Variants in MARCHF3 observed in about 807,000 individuals in gnomAD.
MARCHF3 encodes the protein membrane associated ring-CH-type finger 3.
A neutral mutation model predicts 24.2 loss-of-function variants in MARCHF3; 13 were observed. The observed-to-expected ratio is 0.54, with a 90% CI of 0.35 to 0.85. The LOEUF (loss-of-function observed/expected upper bound fraction) is 0.85. Ranked by LOEUF, MARCHF3 falls within the 40% of genes least tolerant of loss-of-function variation. The pLI is 0.01. For synonymous variants in MARCHF3, 144 were observed against 137.3 expected (o/e 1.05, Z -0.34); for missense variants, 276 against 325.0 (o/e 0.85, Z 1.16).
intron 1 of MARCHF3, among the ~76,000 whole-genome samples, chr5:126,947,787 G>T (rs1750081362): frequency 6.6e-6 from 1 of 151,578 alleles, no homozygotes; most frequent in Non-Finnish European, 1.5e-5. Context: ...CCTCACCCTG[G>T]CCAATCTTTT....
intron 3 of MARCHF3, among the ~76,000 whole-genome samples, chr5:126,909,856 C>T (rs926310958): frequency 6.6e-6 from 1 of 152,022 alleles, no homozygotes; most frequent in African/African-American, 2.4e-5. Context: ...CCAGTGACTT[C>T]ATAAAAAAGG....
chr5:127,011,840 C>A (rs1458274712), intron 1 of MARCHF3, among the ~76,000 whole-genome samples: 1 of 152,280 alleles, frequency 6.6e-6, no homozygotes, highest in East Asian at 1.9e-4. Flanking sequence ...GTAAAAGCTG[C>A]CATTTTAATT....
At chr5:127,001,351 C>G (rs1752122825) in intron 1 of MARCHF3, among the ~76,000 whole-genome samples, 1 of 152,082 alleles carries the variant, frequency 6.6e-6, no homozygotes, top group Admixed American at 6.6e-5. Context: ...AATAATGGGT[C>G]AGAAAGGTTC....
At chr5:126,990,947 G>A (rs533768156) in intron 1 of MARCHF3, among the ~76,000 whole-genome samples, 76 of 152,336 alleles carry the variant, frequency 5.0e-4, no homozygotes, top group African/African-American at 1.7e-3. Context: ...TACACTGTTA[G>A]TGGGAGTGTA....
At chr5:126,904,853 C>T (rs1033568265) in intron 3 of MARCHF3, among the ~76,000 whole-genome samples, 1 of 148,428 alleles carries the variant, frequency 6.7e-6, no homozygotes, top group Non-Finnish European at 1.5e-5. Flanking sequence ...CTTTTGTTGC[C>T]ATTGCTTTTG....
intron 1 of MARCHF3, among the ~76,000 whole-genome samples, chr5:126,929,920 G>T (rs1749426860): frequency 6.6e-6 from 1 of 152,122 alleles, no homozygotes; most frequent in Non-Finnish European, 1.5e-5. Context: ...TGCAAGACGT[G>T]ACTGTGCTCC....
intron 1 of MARCHF3, among the ~76,000 whole-genome samples, chr5:126,947,204 G>A (rs1471996779): frequency 6.6e-6 from 1 of 152,154 alleles, no homozygotes; most frequent in Non-Finnish European, 1.5e-5. Flanking sequence ...ACTGGCACTA[G>A]ATTAGCTGCC....
intron 1 of MARCHF3, among the ~76,000 whole-genome samples, chr5:126,924,339 C>G (rs1749224216): frequency 2.0e-5 from 3 of 152,090 alleles, no homozygotes; most frequent in Middle Eastern, 3.2e-3. Flanking sequence ...AGGCTTAATA[C>G]GTGGGGAGCA....
At chr5:127,026,097 TAA>T (rs76667904) in intron 1 of MARCHF3, among the ~76,000 whole-genome samples, 29 of 138,058 alleles carry the variant, frequency 2.1e-4, no homozygotes, top group African/African-American at 5.0e-4. Flanking sequence ...ATGCCATAGC[TAA>T]AAAAAAAAAA....
chr5:126,875,651 T>G (rs1580588892), intron 4 of MARCHF3, among the ~76,000 whole-genome samples: 1 of 152,322 alleles, frequency 6.6e-6, no homozygotes, highest in South Asian at 2.1e-4. Context: ...CTGAGCTGAC[T>G]CCACAGCACG....
At chr5:126,881,694 CA>C (rs1375940439) in intron 3 of MARCHF3, among the ~76,000 whole-genome samples, 1 of 151,616 alleles carries the variant, frequency 6.6e-6, no homozygotes, top group Non-Finnish European at 1.5e-5. Context: ...CATATTTACA[CA>C]AAGACAGGGG....
chr5:126,937,502 A>C (rs965189113), intron 1 of MARCHF3, among the ~76,000 whole-genome samples: 1 of 152,220 alleles, frequency 6.6e-6, no homozygotes, highest in Admixed American at 6.5e-5. Context: ...TATATATCCA[A>C]ATTGTCCAGA....
chr5:126,976,516 T>C (rs1368356048), intron 1 of MARCHF3, among the ~76,000 whole-genome samples: 2 of 151,196 alleles, frequency 1.3e-5, no homozygotes, highest in Non-Finnish European at 2.9e-5. Flanking sequence ...TCAGCCCCTG[T>C]GTGGTTTCCA....
Position 126,870,444 on chromosome 5 carries a change from T to C in MARCHF3, c.*189A>G, listed in dbSNP as rs1394340850. 1.9e-6 allele frequency: 1 copy of C among 516,934 alleles called. No individual in the cohort carries two copies. Among genetic ancestry groups the C allele is most frequent in the Non-Finnish European group, 3.5e-6 (1 of 287,226 alleles). The allele number at this position is 516,934 out of a possible 1,614,324, so 32.0% of individuals were successfully genotyped here. On this transcript the variant is annotated 3_prime_UTR_variant, in exon 5 of 5. Coordinates refer to ENST00000308660, the MANE Select transcript of MARCHF3 (RefSeq NM_178450.5). The stretch of plus-strand genomic sequence containing the variant: ...TATCATATGATTGCAGCATCCATCA[T>C]TTGAAGTAAAACAGCATTTGCTTTC...
intron 1 of MARCHF3, among the ~76,000 whole-genome samples, chr5:126,971,529 T>G (rs2126829472): frequency 6.6e-6 from 1 of 152,226 alleles, no homozygotes; most frequent in East Asian, 1.9e-4. Context: ...GCAGGTCTAT[T>G]GTACCTTAAG....
intron 3 of MARCHF3, among the ~76,000 whole-genome samples, chr5:126,880,262 C>G (rs118084792): frequency 6.6e-6 from 1 of 152,158 alleles, no homozygotes; most frequent in Non-Finnish European, 1.5e-5. Context: ...CTCCACCTTT[C>G]AGGGACAAGC....
chr5:126,937,197 T>G (rs1156597995), intron 1 of MARCHF3, among the ~76,000 whole-genome samples: 1 of 152,254 alleles, frequency 6.6e-6, no homozygotes, highest in Non-Finnish European at 1.5e-5. Flanking sequence ...AGTTCATGCC[T>G]GAACCCTTCA....
chr5:126,900,019 C>G (rs1754053413), intron 3 of MARCHF3, among the ~76,000 whole-genome samples: 1 of 152,108 alleles, frequency 6.6e-6, no homozygotes. Flanking sequence ...ATAGTGCAGA[C>G]TAGTTTCACT....
chr5:126,911,543 C>T lies in MARCHF3; in HGVS notation c.393+3387G>A, dbSNP rs116797905. Reference sequence around the variant, plus strand: ...CAAGCTTTGTGTGATTGGACATAGACCTTATGAGATTTGCATTAGTTGGAC... The same window carrying T: ...CAAGCTTTGTGTGATTGGACATAGATCTTATGAGATTTGCATTAGTTGGAC... On this transcript the variant is annotated intron_variant, in intron 3 of 4. Coordinates refer to ENST00000308660, the MANE Select transcript of MARCHF3 (RefSeq NM_178450.5). Among the ~76,000 whole-genome samples the T allele has an allele frequency of 7.8e-3, 1,191 of 152,258 alleles. 10 individuals carry two copies. The highest frequency in any genetic ancestry group is 0.027 in the African/African-American group (1,140 of 41,530).
Sources: allele counts gnomAD v4.1 joint callset (sites outside exome capture counted in the v4.1 genomes callset), GRCh38; gene constraint gnomAD v4.1.1; transcripts MANE v1.5; gene names NCBI Gene and HGNC (gene_info 2026-07-23, HGNC 2026-07-21).